The following UPF2 variants were observed in gnomAD, a reference collection of about 807,000 sequenced individuals.
UPF2 encodes regulator of nonsense transcripts 2.
Under a neutral mutation model 141.4 loss-of-function variants are expected in UPF2, and 17 were observed. The ratio of observed to expected loss-of-function variants is 0.12; its 90% CI spans 0.08 to 0.18. The LOEUF is 0.18. Among genes scored for constraint, UPF2 ranks in the 10% least tolerant of loss-of-function variants. The pLI is 1.00. For synonymous variants in UPF2, 540 were observed against 498.0 expected (o/e 1.08, Z -1.12); for missense variants, 1,152 against 1,515.9 (o/e 0.76, Z 3.99).
chr10:12,032,962 C>A (rs1304028519), intron 2 of UPF2, among the ~76,000 whole-genome samples: 1 of 151,910 alleles, frequency 6.6e-6, no homozygotes, highest in Non-Finnish European at 1.5e-5. Flanking sequence ...TGAGAATAGC[C>A]ACTGCACTCC....
In UPF2 at chr10:11,931,462, T is replaced by C. The variant is rs1254816652; in HGVS notation, c.3688+179A>G. On this transcript the variant is annotated intron_variant, in intron 20 of 21. Transcript: ENST00000357604. This position sits in a 1 kb window ranked among gnomAD's most constrained non-coding sequence, Gnocchi z 5.9. ...ATACTCTAATTTAATTAGAGCAAAATATGGTGAAAATTATATTATTGTTAT... is the reference window on the plus strand; with the variant it reads ...ATACTCTAATTTAATTAGAGCAAAACATGGTGAAAATTATATTATTGTTAT... 2.0e-5 allele frequency among the ~76,000 whole-genome samples: 3 copies of C among 151,996 alleles called. No homozygotes were observed. Among genetic ancestry groups the C allele is most frequent in the Admixed American group, 2.0e-4 (3 of 15,258 alleles).
At chr10:11,966,422 T>C (rs1343499867) in intron 10 of UPF2, among the ~76,000 whole-genome samples, 1 of 130,692 alleles carries the variant, frequency 7.7e-6, no homozygotes, top group Non-Finnish European at 1.9e-5. Flanking sequence ...ACCAGCCTTA[T>C]TTCTTTTTTT....
chr10:11,930,633 A>T (rs538579202), intron 20 of UPF2, among the ~76,000 whole-genome samples: 1 of 152,238 alleles, frequency 6.6e-6, no homozygotes, highest in South Asian at 2.1e-4. Context: ...AAAATTAGCC[A>T]GGTATGGTGG....
At chr10:11,962,776 C>A (rs925632710) in intron 11 of UPF2, among the ~76,000 whole-genome samples, 2 of 152,130 alleles carry the variant, frequency 1.3e-5, no homozygotes, top group South Asian at 4.1e-4. Context: ...TAAGCTAGTG[C>A]GTGCCTATCC....
rs561205965 is a variant in UPF2 at position 11,948,041 on chromosome 10, G to A, written c.3174+328C>T. ...GAGGGGCAGATCACCTGAAGTCAGGGGTTCAAGACCAGCCTGGCCAACATG... is the reference window on the plus strand; with the variant it reads ...GAGGGGCAGATCACCTGAAGTCAGGAGTTCAAGACCAGCCTGGCCAACATG... On this transcript the variant is annotated intron_variant, in intron 16 of 21. Transcript: ENST00000357604. 2.2e-3 allele frequency among the ~76,000 whole-genome samples: 330 copies of A among 151,360 alleles called. 1 individual carries two copies. The highest frequency in any genetic ancestry group is 7.4e-3 in the African/African-American group (306 of 41,306).
chr10:12,003,117 T>C (rs928127173), intron 5 of UPF2, among the ~76,000 whole-genome samples: 3 of 152,184 alleles, frequency 2.0e-5, no homozygotes, highest in Non-Finnish European at 4.4e-5. Flanking sequence ...TCTACTTTTA[T>C]TGAATTCCTA....
rs1833108379 is a variant in UPF2, at chr10:11,953,840, C to T, written c.2850+1392G>A. Among the ~76,000 whole-genome samples, 1 of 152,196 alleles carries T rather than the reference C, an allele frequency of 6.6e-6. No homozygotes were observed. Among genetic ancestry groups the T allele is most frequent in the African/African-American group, 2.4e-5 (1 of 41,448 alleles). ...TACTGCAAAAGAATAGCGGTAGGAG[C>T]AAGCTAACAGACCGCAATTCCCGAA... On this transcript the variant is annotated intron_variant, in intron 14 of 21. Coordinates refer to ENST00000357604, the MANE Select transcript of UPF2 (RefSeq NM_015542.4). This position sits in a 1 kb window ranked among gnomAD's most constrained non-coding sequence, Gnocchi z 5.0.
At chr10:11,982,487 G>A (rs1344645439) in intron 8 of UPF2, among the ~76,000 whole-genome samples, 3 of 152,114 alleles carry the variant, frequency 2.0e-5, no homozygotes, top group African/African-American at 4.8e-5. Context: ...CTTGCCTTGG[G>A]CTGGAATATG....
In UPF2 at chr10:12,017,468, G is replaced by A. The variant is rs113432949; in HGVS notation, c.1146-3284C>T. On this transcript the variant is annotated intron_variant, in intron 3 of 21. Coordinates refer to ENST00000357604, the MANE Select transcript of UPF2 (RefSeq NM_015542.4). ...CGTGTGGATTTGCCTGTGACTTTGC[G>A]CTGAGTCCATTAAAAGTGATTTCAT... Among the ~76,000 whole-genome samples, 37 of 152,176 alleles carry A rather than the reference G, an allele frequency of 2.4e-4. 1 individual carries two copies. The South Asian group carries it at 3.5e-3, about 14-fold the overall frequency.
chr10:12,001,093 C>T (rs4750149), intron 6 of UPF2, among the ~76,000 whole-genome samples: 134,330 of 152,268 alleles, frequency 0.88, 59,323 homozygotes, highest in East Asian at 1. Context: ...TATTCTATCA[C>T]AGAAGGGGTA....
intron 10 of UPF2, among the ~76,000 whole-genome samples, chr10:11,964,446 ATATT>A (rs1238648842): frequency 2.6e-5 from 4 of 152,160 alleles, no homozygotes; most frequent in Admixed American, 1.3e-4. Flanking sequence ...CTTGGTCTAT[ATATT>A]TATTTTCCAA....
In UPF2 at chr10:11,940,094, T is replaced by G. The variant is rs1832918974; in HGVS notation, c.3378+2571A>C. 6.6e-6 allele frequency among the ~76,000 whole-genome samples: 1 copy of G among 152,164 alleles called. No homozygotes were observed. The highest frequency in any genetic ancestry group is 1.5e-5 in the Non-Finnish European group (1 of 68,032). ...ATCAAAACAAAGAGACTCTGTACAG[T>G]TGTTCAGTATTTTGATAATGCTGAA... On this transcript the variant is annotated intron_variant, in intron 18 of 21. Transcript: ENST00000357604. This position sits in a 1 kb window ranked among gnomAD's most constrained non-coding sequence, Gnocchi z 4.2.
At chr10:12,007,821 G>C (rs1834059207) in intron 4 of UPF2, among the ~76,000 whole-genome samples, 1 of 137,136 alleles carries the variant, frequency 7.3e-6, no homozygotes, top group Non-Finnish European at 1.6e-5. Context: ...ACACAGCAAG[G>C]CGCCGTCTCA....
intron 8 of UPF2, among the ~76,000 whole-genome samples, chr10:11,991,547 G>A (rs1833780274): frequency 6.6e-6 from 1 of 151,970 alleles, no homozygotes; most frequent in Non-Finnish European, 1.5e-5. Context: ...TTTATCCTAG[G>A]AAAGTTATTG....
rs537683223 is a variant in UPF2 at position 11,960,272 on chromosome 10, C to T, written c.2185-916G>A. ...AGTCATTTTAAAAACATCTGCTGGG[C>T]GCAGGGGCTCAAGCCTATAATCCTA... is the stretch of plus-strand genomic sequence containing the variant. On this transcript the variant is annotated intron_variant, in intron 11 of 21. Transcript: ENST00000357604. Among the ~76,000 whole-genome samples, 18 of 152,228 alleles carry T rather than the reference C, an allele frequency of 1.2e-4. No individual in the cohort carries two copies. The East Asian group carries it at 1.9e-3, about 16-fold the overall frequency.
intron 4 of UPF2, among the ~76,000 whole-genome samples, chr10:12,011,054 T>A (rs866148733): frequency 6.6e-6 from 1 of 152,204 alleles, no homozygotes. Flanking sequence ...GATCATTATC[T>A]AACTGTAACC....
chr10:11,970,609 T>G (rs539144476), intron 9 of UPF2, among the ~76,000 whole-genome samples: 1 of 152,104 alleles, frequency 6.6e-6, no homozygotes, highest in South Asian at 2.1e-4. Context: ...GTCAGGAGTT[T>G]GAGACCAGCC....
chr10:12,008,629 CAAAAAAAAA>C (rs60750390), intron 4 of UPF2, among the ~76,000 whole-genome samples: 1 of 74,974 alleles, frequency 1.3e-5, no homozygotes, highest in Non-Finnish European at 2.5e-5. Context: ...GACACCACCT[CAAAAAAAAA>C]AAAAAAAAAA....
At chr10:11,963,624 T>A (rs953984497) in intron 11 of UPF2, among the ~76,000 whole-genome samples, 3 of 152,226 alleles carry the variant, frequency 2.0e-5, no homozygotes, top group African/African-American at 7.2e-5. Context: ...TTAATATATT[T>A]AAGCTTACAT....
Sources: allele counts gnomAD v4.1 joint callset (sites outside exome capture counted in the v4.1 genomes callset), GRCh38; gene constraint gnomAD v4.1.1; non-coding constraint Gnocchi (gnomAD v3.1); transcripts MANE v1.5; gene names NCBI Gene and HGNC (gene_info 2026-07-23, HGNC 2026-07-21).